PHKB: variants seen among roughly 807,000 people sequenced by gnomAD.
The protein encoded by PHKB is phosphorylase kinase regulatory subunit beta.
Under a neutral mutation model 152.1 loss-of-function variants are expected in PHKB, and 122 were observed. The ratio of observed to expected loss-of-function variants is 0.80; its 90% confidence interval spans 0.69 to 0.93. The LOEUF (loss-of-function observed/expected upper bound fraction) is 0.93. Ranked by LOEUF, PHKB falls within the 40% of genes least tolerant of loss-of-function variation. The pLI is 0.00. For missense variants in PHKB, 1,304 were observed against 1,328.4 expected (o/e 0.98, Z 0.29); for synonymous variants, 436 against 464.9 (o/e 0.94, Z 0.80).
chr16:47,615,831 T>C (rs1451094816), intron 14 of PHKB, among the ~76,000 whole-genome samples: 1 of 152,258 alleles, frequency 6.6e-6, no homozygotes, highest in Non-Finnish European at 1.5e-5. Context: ...TACTCATCTT[T>C]TTTCTTCAGA....
chr16:47,503,614 A>C (rs1312751332), intron 4 of PHKB, among the ~76,000 whole-genome samples: 1 of 152,108 alleles, frequency 6.6e-6, no homozygotes, highest in Non-Finnish European at 1.5e-5. Flanking sequence ...GTGGATCACG[A>C]GGTCAAGAGA....
intron 7 of PHKB, among the ~76,000 whole-genome samples, chr16:47,554,789 C>T (rs1446607921): frequency 6.6e-6 from 1 of 152,160 alleles, no homozygotes; most frequent in Non-Finnish European, 1.5e-5. Context: ...TGAAGCCTTG[C>T]ATTTCCTGGG....
At chr16:47,679,520 CT>C (rs1056436629) in intron 26 of PHKB, among the ~76,000 whole-genome samples, 10 of 152,108 alleles carry the variant, frequency 6.6e-5, no homozygotes, top group African/African-American at 2.2e-4. Context: ...GTATTTTATT[CT>C]CTTTGAAGCA....
At chr16:47,664,701 T>G (rs1374893632) in intron 24 of PHKB, 184 bp from the exon 25 acceptor site, 4 of 606,428 alleles carry the variant, frequency 6.6e-6, no homozygotes, top group Non-Finnish European at 1.2e-5. Flanking sequence ...AAGTTTCAAG[T>G]GTGGTCTGTA....
intron 7 of PHKB, among the ~76,000 whole-genome samples, chr16:47,558,630 A>G (rs1417594945): frequency 6.6e-6 from 1 of 152,086 alleles, no homozygotes; most frequent in African/African-American, 2.4e-5. Context: ...GCTCACTGCA[A>G]CCTCTGCTCT....
At chr16:47,589,818 T>C (rs1971997060) in intron 10 of PHKB, among the ~76,000 whole-genome samples, 1 of 152,224 alleles carries the variant, frequency 6.6e-6, no homozygotes, top group African/African-American at 2.4e-5. Flanking sequence ...GGAGTCTTGC[T>C]CTGTTGCCCA....
chr16:47,680,511 C>T lies in PHKB; in HGVS notation c.2631-8530C>T, dbSNP rs915340395. ...TTTAGTCTTGGGAGGGTGTATGTGT[C>T]GAGGAATTTATCCATTTCTTCTAGA... On this transcript the variant is annotated intron_variant, in intron 26 of 30. Transcript: ENST00000323584. Among the ~76,000 whole-genome samples, 45 of 152,234 alleles carry T rather than the reference C, an allele frequency of 3.0e-4. 1 individual carries two copies. The highest frequency in any genetic ancestry group is 8.8e-5 in the Non-Finnish European group (6 of 68,020).
chr16:47,692,633 TAAATAAATAAATA>T (rs1229054459), intron 27 of PHKB, among the ~76,000 whole-genome samples: 1 of 151,864 alleles, frequency 6.6e-6, no homozygotes, highest in East Asian at 1.9e-4. Flanking sequence ...AATAAATAAA[TAAATAAATAAATA>T]AATGTATCTG....
chr16:47,615,701 C>G (rs996594283), intron 14 of PHKB, among the ~76,000 whole-genome samples: 1 of 152,250 alleles, frequency 6.6e-6, no homozygotes, highest in Non-Finnish European at 1.5e-5. Flanking sequence ...TTCTTTCCAG[C>G]TTTCAGAATC....
intron 1 of PHKB, among the ~76,000 whole-genome samples, chr16:47,472,899 CACTCCAG>C (rs1436202382): frequency 6.6e-6 from 1 of 152,080 alleles, no homozygotes; most frequent in Non-Finnish European, 1.5e-5. Context: ...CGCACCACTG[CACTCCAG>C]CCTGGGTGAC....
At chr16:47,483,888 G>A (rs1447690100) in intron 1 of PHKB, among the ~76,000 whole-genome samples, 2 of 152,174 alleles carry the variant, frequency 1.3e-5, no homozygotes, top group Non-Finnish European at 2.9e-5. Flanking sequence ...CACTCACTAT[G>A]TGCCAGGCAC....
At chr16:47,629,752 T>C (rs1172779673) in intron 14 of PHKB, among the ~76,000 whole-genome samples, 1 of 152,102 alleles carries the variant, frequency 6.6e-6, no homozygotes, top group African/African-American at 2.4e-5. Flanking sequence ...TTATTCACAA[T>C]AGCAAAGACT....
At chr16:47,605,438 A>G (rs991397684) in intron 13 of PHKB, among the ~76,000 whole-genome samples, 8 of 152,238 alleles carry the variant, frequency 5.3e-5, no homozygotes, top group Non-Finnish European at 8.8e-5. Flanking sequence ...TTACAAGGAT[A>G]TAAGGTTTCT....
chr16:47,464,800 A>G (rs1056286409), intron 1 of PHKB, among the ~76,000 whole-genome samples: 1 of 152,234 alleles, frequency 6.6e-6, no homozygotes, highest in African/African-American at 2.4e-5. Flanking sequence ...AACTTGGGCC[A>G]TTTAAAACCT....
intron 14 of PHKB, among the ~76,000 whole-genome samples, chr16:47,625,733 A>G (rs1972697690): frequency 6.6e-6 from 1 of 152,210 alleles, no homozygotes. Context: ...AAATTTAATC[A>G]TCTTTCTCAC....
chr16:47,461,477 T>G (rs1359231697), intron 1 of PHKB, 51 bp downstream of exon 1: 8 of 1,590,434 alleles, frequency 5.0e-6, no homozygotes, highest in Non-Finnish European at 6.9e-6. Context: ...GGGTGGTGCT[T>G]CGCCTCAAGC....
At chr16:47,475,568 A>T (rs1216924923) in intron 1 of PHKB, among the ~76,000 whole-genome samples, 2 of 152,128 alleles carry the variant, frequency 1.3e-5, no homozygotes, top group African/African-American at 4.8e-5. Context: ...GTAGTGAGAA[A>T]CCCAGATGGA....
chr16:47,540,819 G>GTTTTTTTTTTTTTTTTTTTTTTTTTTTT (rs75589113), intron 6 of PHKB, among the ~76,000 whole-genome samples: 1 of 64,284 alleles, frequency 1.6e-5, no homozygotes, highest in Non-Finnish European at 2.8e-5. Context: ...TAAATGTCCT[G>GTTTTTTTTTTTTTTTTTTTTTTTTTTTT]TTTTTTTTTT....
In PHKB at chr16:47,699,683, A is replaced by G. The variant is rs1974215464; in HGVS notation, c.*317A>G. ...ATGATCAAATAGTTCATCAAAATGA[A>G]TCTTTGCTCTTTGGACTGAATTCTT... On this transcript the variant is annotated 3_prime_UTR_variant, in exon 31 of 31. Coordinates refer to ENST00000323584, the MANE Select transcript of PHKB (RefSeq NM_000293.3). 2 of 376,500 alleles carry G rather than the reference A, an allele frequency of 5.3e-6. No homozygotes were observed. Among genetic ancestry groups the G allele is most frequent in the African/African-American group, 4.1e-5 (2 of 48,634 alleles). The allele number at this position is 376,500 out of a possible 1,614,324, so 23.3% of individuals were successfully genotyped here.
Sources: gnomAD v4.1 joint callset for allele counts (sites outside exome capture counted in the v4.1 genomes callset) on GRCh38, gnomAD v4.1.1 for gene constraint, MANE v1.5 for transcripts, NCBI Gene and HGNC (gene_info 2026-07-23, HGNC 2026-07-21) for gene names.